The following AQP9 variants were observed in gnomAD, a reference collection of about 807,000 sequenced individuals.
AQP9 encodes the protein aquaporin 9.
AQP9 carries 19 observed loss-of-function variants against 23.8 expected under a neutral mutation model. The ratio of observed to expected loss-of-function variants is 0.80; its 90% CI spans 0.56 to 1.17. The LOEUF (loss-of-function observed/expected upper bound fraction) is 1.17. Ranked by LOEUF, AQP9 falls within the 50% of genes most tolerant of loss-of-function variation. AQP9 has a pLI of 0.00. For synonymous variants in AQP9, 153 were observed against 131.5 expected, an observed-to-expected ratio of 1.16 and a Z score of -1.12; for missense variants, 413 against 362.0, an observed-to-expected ratio of 1.14 and a Z score of -1.14.
In AQP9 at chr15:58,174,984, T is replaced by C. The variant is rs1412366458; in HGVS notation, c.443T>C (p.Phe148Ser). ...IVGENATAHI[F>S]ATYPAPYLSL... ...GGAGAAAATGCAACAGCACACATTT[T>C]TGCAACATACCCAGCTCCGTATCTA... is the stretch of plus-strand genomic sequence containing the variant. Residue 148 changes from phenylalanine to serine, a missense_variant, in exon 4 of 6, where the codon TTT (phenylalanine) becomes TCT (serine). By Grantham distance (155) the Phe-to-Ser change is radical. Coordinates refer to ENST00000219919, the MANE Select transcript of AQP9 (RefSeq NM_020980.5). The C allele has an allele frequency of 1.9e-6, 3 of 1,614,216 alleles. No homozygotes were observed. The highest frequency in any genetic ancestry group is 3.3e-5 in the Admixed American group (2 of 60,036).
At chr15:58,166,079 G>T (rs1385462020) in intron 1 of AQP9, among the ~76,000 whole-genome samples, 1 of 152,168 alleles carries the variant, frequency 6.6e-6, no homozygotes, top group African/African-American at 2.4e-5. Flanking sequence ...ATGGTGGTTT[G>T]TGTGCCTGGT....
In AQP9 at chr15:58,148,796, C is replaced by G. The variant is rs116431322; in HGVS notation, c.111+10120C>G. Among the ~76,000 whole-genome samples, 928 of 152,242 alleles carry G rather than the reference C, an allele frequency of 6.1e-3. 13 individuals carry two copies. Among genetic ancestry groups the G allele is most frequent in the African/African-American group, 0.021 (876 of 41,536 alleles). On this transcript the variant is annotated intron_variant, in intron 1 of 5. Transcript: ENST00000219919. ...TAGAGATAGTGGAGTTCAATCACCT[C>G]TCCTTTCTGAGCTCTGAGTTGGTTC...
At chr15:58,183,424 G>A (rs1286807993) in intron 5 of AQP9, among the ~76,000 whole-genome samples, 1 of 152,170 alleles carries the variant, frequency 6.6e-6, no homozygotes, top group Non-Finnish European at 1.5e-5. Flanking sequence ...GTAGCCTCAA[G>A]CTAAGATCTT....
At chr15:58,179,450 AC>A (rs2140633905) in intron 5 of AQP9, 105 bp downstream of exon 5, 1 of 955,842 alleles carries the variant, frequency 1.0e-6, no homozygotes, top group East Asian at 2.7e-5. Context: ...GACAGCGCCA[AC>A]GTTAACTGCA....
At chr15:58,155,305 G>C (rs1169697499) in intron 1 of AQP9, 2 of 152,086 alleles carry the variant, frequency 1.3e-5, no homozygotes, top group African/African-American at 4.8e-5. Flanking sequence ...CTGAAATATT[G>C]GTATTATCCT....
chr15:58,163,621 G>T (rs983177088), intron 1 of AQP9, among the ~76,000 whole-genome samples: 1 of 152,136 alleles, frequency 6.6e-6, no homozygotes, highest in African/African-American at 2.4e-5. Context: ...ACCTAAAAAT[G>T]CTTTCTAGAT....
intron 5 of AQP9, among the ~76,000 whole-genome samples, chr15:58,181,235 T>C (rs1250644761): frequency 6.6e-6 from 1 of 152,234 alleles, no homozygotes. Flanking sequence ...ATCTTTTCCC[T>C]TCCATGGAGT....
At chr15:58,139,351 T>G (rs1897913150) in intron 1 of AQP9, among the ~76,000 whole-genome samples, 1 of 152,180 alleles carries the variant, frequency 6.6e-6, no homozygotes. Context: ...TAAGAACCTC[T>G]TGAGGATTGC....
chr15:58,164,395 A>T (rs1195102475), intron 1 of AQP9, among the ~76,000 whole-genome samples: 2 of 152,160 alleles, frequency 1.3e-5, no homozygotes, highest in Non-Finnish European at 2.9e-5. Context: ...GTATTGTTTT[A>T]TTCCTCATTT....
At chr15:58,181,053 C>G (rs74016583) in intron 5 of AQP9, among the ~76,000 whole-genome samples, 11 of 152,152 alleles carry the variant, frequency 7.2e-5, no homozygotes, top group Admixed American at 5.9e-4. Flanking sequence ...TCTTCCACCC[C>G]CTTTGAGACC....
intron 1 of AQP9, among the ~76,000 whole-genome samples, chr15:58,142,697 A>G (rs1368975573): frequency 3.9e-5 from 6 of 152,216 alleles, no homozygotes; most frequent in Non-Finnish European, 7.3e-5. Context: ...ACCTATAGGA[A>G]AGTGGGCCTC....
intron 1 of AQP9, among the ~76,000 whole-genome samples, chr15:58,142,099 A>C (rs896247762): frequency 2.0e-5 from 3 of 152,202 alleles, no homozygotes; most frequent in African/African-American, 7.2e-5. Flanking sequence ...GAATCAGCCC[A>C]GAGCCCAGTT....
intron 1 of AQP9, among the ~76,000 whole-genome samples, chr15:58,165,717 C>A (rs4595742): frequency 4.0e-5 from 6 of 151,680 alleles, no homozygotes. Flanking sequence ...CTGGATGTAC[C>A]ATCATATATT....
intron 5 of AQP9, among the ~76,000 whole-genome samples, chr15:58,181,051 C>A (rs1898876293): frequency 6.6e-6 from 1 of 152,186 alleles, no homozygotes; most frequent in African/African-American, 2.4e-5. Flanking sequence ...CTTCTTCCAC[C>A]CCCTTTGAGA....
chr15:58,138,816 C>T, intron 1 of AQP9, 140 bp downstream of exon 1: 1 of 704,948 alleles, frequency 1.4e-6, no homozygotes, highest in East Asian at 2.7e-5. Context: ...AAACAAGTTA[C>T]TAGAGGCTGT....
intron 3 of AQP9, among the ~76,000 whole-genome samples, chr15:58,174,132 T>A (rs934418446): frequency 6.0e-5 from 9 of 150,680 alleles, no homozygotes; most frequent in Admixed American, 3.3e-4. Flanking sequence ...GAAAAAAAAA[T>A]TAAAAATAAG....
intron 5 of AQP9, 89 bp downstream of exon 5, chr15:58,179,434 T>A: frequency 8.1e-7 from 1 of 1,237,278 alleles, no homozygotes; most frequent in Non-Finnish European, 1.1e-6. Flanking sequence ...CCAGGGAAGT[T>A]CAGATGACAG....
rs1898988105 is a variant in AQP9 at position 58,184,942 on chromosome 15, C to A, written c.*807C>A. On this transcript the variant is annotated 3_prime_UTR_variant, in exon 6 of 6. Coordinates refer to ENST00000219919, the MANE Select transcript of AQP9 (RefSeq NM_020980.5). ...TGTCTTTTTAGCTCAAATGTATTTT[C>A]CTAATTGCCCACTTGAGAACAGACA... is the stretch of plus-strand genomic sequence containing the variant. 1 of 152,156 alleles carries A rather than the reference C, an allele frequency of 6.6e-6. No individual in the cohort carries two copies. Among genetic ancestry groups the A allele is most frequent in the Admixed American group, 6.5e-5 (1 of 15,276 alleles). The allele number at this position is 152,156 out of a possible 1,614,324, so 9.4% of individuals were successfully genotyped here.
At chr15:58,168,959 G>A (rs1193554612) in intron 2 of AQP9, among the ~76,000 whole-genome samples, 1 of 152,124 alleles carries the variant, frequency 6.6e-6, no homozygotes. Context: ...TAGTTACTTA[G>A]AATTAATTGG....
Sources: allele counts gnomAD v4.1 joint callset (sites outside exome capture counted in the v4.1 genomes callset), GRCh38; gene constraint gnomAD v4.1.1; transcripts MANE v1.5; gene names NCBI Gene and HGNC (gene_info 2026-07-23, HGNC 2026-07-21).